The following CLSTN2 variants were observed in gnomAD, a reference collection of about 807,000 sequenced individuals.
The protein encoded by CLSTN2 is calsyntenin 2.
In CLSTN2, 48 loss-of-function variants were observed where a neutral mutation model predicts 101.2. The observed-to-expected ratio is 0.47, with a 90% CI of 0.38 to 0.60. The LOEUF (loss-of-function observed/expected upper bound fraction) is 0.60. Ranked by LOEUF, CLSTN2 falls within the 20% of genes least tolerant of loss-of-function variation. The pLI is 0.00. For missense variants in CLSTN2, 1,160 were observed against 1,238.2 expected, an observed-to-expected ratio of 0.94 and a Z score of 0.95; for synonymous variants, 481 against 463.6, an observed-to-expected ratio of 1.04 and a Z score of -0.48.
At chr3:140,497,222 C>T (rs1934485920) in intron 8 of CLSTN2, among the ~76,000 whole-genome samples, 1 of 152,052 alleles carries the variant, frequency 6.6e-6, no homozygotes, top group African/African-American at 2.4e-5. Flanking sequence ...GCTGGAAAAG[C>T]TGAGTTGACT....
At chr3:140,452,427 C>T (rs1369829818) in intron 6 of CLSTN2, 1 of 152,348 alleles carries the variant, frequency 6.6e-6, no homozygotes, top group Non-Finnish European at 1.5e-5. Context: ...CCTCTATGCA[C>T]ACCAGGAGTC....
intron 1 of CLSTN2, among the ~76,000 whole-genome samples, chr3:139,996,962 G>A (rs1039393585): frequency 6.7e-6 from 1 of 149,078 alleles, no homozygotes; most frequent in Non-Finnish European, 1.5e-5. Flanking sequence ...CAGGAGAATT[G>A]CTTGAACCCA....
At chr3:140,275,589 A>G (rs2086787518) in intron 2 of CLSTN2, among the ~76,000 whole-genome samples, 1 of 152,108 alleles carries the variant, frequency 6.6e-6, no homozygotes, top group Non-Finnish European at 1.5e-5. Flanking sequence ...TTAATGAATC[A>G]CATTTACAAG....
chr3:139,944,788 G>A (rs1467731790), intron 1 of CLSTN2, among the ~76,000 whole-genome samples: 1 of 152,240 alleles, frequency 6.6e-6, no homozygotes, highest in Admixed American at 6.5e-5. Flanking sequence ...GTCATGGGGA[G>A]GAGCTGCCCA....
intron 1 of CLSTN2, among the ~76,000 whole-genome samples, chr3:140,068,960 G>T (rs2008347432): frequency 6.6e-6 from 1 of 152,126 alleles, no homozygotes; most frequent in Admixed American, 6.5e-5. Flanking sequence ...GATAATAATA[G>T]AATCTCTCTC....
At chr3:140,135,161 T>TATATATATAA (rs1553801612) in intron 1 of CLSTN2, among the ~76,000 whole-genome samples, 1 of 98,900 alleles carries the variant, frequency 1.0e-5, no homozygotes, top group African/African-American at 3.3e-5. Context: ...TATATATATA[T>TATATATATAA]AAAATATGCT....
chr3:140,527,465 T>C (rs1935168212), intron 8 of CLSTN2, among the ~76,000 whole-genome samples: 2 of 152,164 alleles, frequency 1.3e-5, no homozygotes, highest in South Asian at 2.1e-4. Context: ...AGGAATATAC[T>C]GTTAGTGGGA....
At chr3:140,436,932 C>T (rs2088693749) in intron 5 of CLSTN2, among the ~76,000 whole-genome samples, 1 of 152,148 alleles carries the variant, frequency 6.6e-6, no homozygotes, top group African/African-American at 2.4e-5. Context: ...TCTGTGTTCC[C>T]CAGTGCCAGT....
Position 140,404,745 on chromosome 3 carries a change from C to A in CLSTN2, c.616C>A (p.Pro206Thr), listed in dbSNP as rs921355677. 5 of 1,614,034 alleles carry A rather than the reference C, an allele frequency of 3.1e-6. No individual in the cohort carries two copies. The African/African-American group carries it at 5.3e-5, about 17-fold the overall frequency. ...CNYEIVTTDV[P>T]FAIDRNGNIR... ...CTATGAAATCGTCACCACAGATGTG[C>A]CTTTTGCCATCGACAGAAATGGTGA... The change falls in exon 4 of 17, where the codon CCT becomes ACT. Residue 206 changes from proline (P) to threonine (T), a missense_variant. Transcript: ENST00000458420.
intron 4 of CLSTN2, among the ~76,000 whole-genome samples, chr3:140,405,502 C>T (rs2088293146): frequency 6.6e-6 from 1 of 152,184 alleles, no homozygotes; most frequent in Admixed American, 6.5e-5. Flanking sequence ...GCTGGGATTA[C>T]AGGCGTGAGC....
chr3:140,379,336 A>G (rs574436356), intron 2 of CLSTN2, among the ~76,000 whole-genome samples: 2 of 152,266 alleles, frequency 1.3e-5, no homozygotes, highest in East Asian at 3.9e-4. Flanking sequence ...ACCCTAGGAG[A>G]CTGATCCAGG....
chr3:140,498,954 T>C (rs2107761306), intron 8 of CLSTN2, among the ~76,000 whole-genome samples: 1 of 146,054 alleles, frequency 6.8e-6, no homozygotes, highest in African/African-American at 2.8e-5. Flanking sequence ...TTGTGAGCAC[T>C]TGAATGTTTT....
intron 1 of CLSTN2, among the ~76,000 whole-genome samples, chr3:139,974,130 T>C (rs1935770597): frequency 6.6e-6 from 1 of 152,230 alleles, no homozygotes; most frequent in African/African-American, 2.4e-5. Flanking sequence ...AAGTTGTGAA[T>C]TTTGCAGTTC....
intron 1 of CLSTN2, among the ~76,000 whole-genome samples, chr3:140,069,869 T>C (rs2008361697): frequency 6.6e-6 from 1 of 152,170 alleles, no homozygotes; most frequent in Non-Finnish European, 1.5e-5. Context: ...ATCCATGATC[T>C]CAATAAGCAG....
In CLSTN2 at chr3:140,570,121, T is replaced by C. The variant is rs939571698; in HGVS notation, c.*3868T>C. On this transcript the variant is annotated 3_prime_UTR_variant, in exon 17 of 17. Coordinates refer to ENST00000458420, the MANE Select transcript of CLSTN2 (RefSeq NM_022131.3). ...GGGTGGTGAGAAGCAATGTCCCCCA[T>C]TCCTATATGTCAGGTGTCAGCAAAC... The C allele has an allele frequency of 2.6e-5, 4 of 152,178 alleles. No homozygotes were observed. Among genetic ancestry groups the C allele is most frequent in the African/African-American group, 7.2e-5 (3 of 41,434 alleles). The allele number at this position is 152,178 out of a possible 1,614,324, so 9.4% of individuals were successfully genotyped here. A position where few individuals can be genotyped will look rare whatever the true frequency, so the allele number is the denominator to read the frequency against.
chr3:140,118,223 T>G (rs2009278701), intron 1 of CLSTN2, among the ~76,000 whole-genome samples: 2 of 152,116 alleles, frequency 1.3e-5, no homozygotes, highest in African/African-American at 2.4e-5. Flanking sequence ...GCTCTTGGAC[T>G]TGTAGCTTCC....
At chr3:140,346,459 C>G (rs1040909846) in intron 2 of CLSTN2, among the ~76,000 whole-genome samples, 1 of 152,168 alleles carries the variant, frequency 6.6e-6, no homozygotes, top group East Asian at 1.9e-4. Flanking sequence ...TAACTATACC[C>G]TGTTCTGAGA....
chr3:140,356,970 G>A (rs2087677637), intron 2 of CLSTN2, among the ~76,000 whole-genome samples: 1 of 152,124 alleles, frequency 6.6e-6, no homozygotes, highest in Non-Finnish European at 1.5e-5. Context: ...CATTTTACAG[G>A]TGAAGAAACC....
At chr3:139,947,446 A>G in intron 1 of CLSTN2, among the ~76,000 whole-genome samples, 2 of 152,350 alleles carry the variant, frequency 1.3e-5, no homozygotes, top group Middle Eastern at 3.4e-3. Context: ...CAAGAACTAA[A>G]ATGTTATCAT....
Sources: gnomAD v4.1 joint callset for allele counts (sites outside exome capture counted in the v4.1 genomes callset) on GRCh38, gnomAD v4.1.1 for gene constraint, MANE v1.5 for transcripts, NCBI Gene and HGNC (gene_info 2026-07-23, HGNC 2026-07-21) for gene names.